Variants in SBSPON observed in about 807,000 individuals in gnomAD.
SBSPON encodes the protein somatomedin B and thrombospondin type 1 domain containing.
In SBSPON, 30 loss-of-function variants were observed where a neutral mutation model predicts 35.8. That is an observed-to-expected ratio of 0.84 (90% CI 0.63 to 1.14). The LOEUF (loss-of-function observed/expected upper bound fraction) is 1.14. SBSPON is among the 50% of genes most tolerant of loss of function. The probability of loss-of-function intolerance (pLI) is 0.00; values close to 1 mark genes in which losing one functional copy is unlikely to be tolerated. For missense variants in SBSPON, 364 were observed against 357.7 expected (o/e 1.02, Z -0.14); for synonymous variants, 136 against 135.9 (o/e 1.00, Z 0.00).
chr8:73,072,554 A>G (rs1048397562), intron 2 of SBSPON, among the ~76,000 whole-genome samples: 8 of 152,210 alleles, frequency 5.3e-5, no homozygotes, highest in Non-Finnish European at 1.2e-4. Flanking sequence ...CTGTAATCCC[A>G]GCTACTCAGG....
chr8:73,071,790 CTG>C lies in SBSPON; in HGVS notation c.488_489del (p.Thr163ArgfsTer10), dbSNP rs1284402433. 2.5e-6 allele frequency: 4 copies of C among 1,594,178 alleles called. No individual in the cohort carries two copies. The highest frequency in any genetic ancestry group is 2.6e-6 in the Non-Finnish European group (3 of 1,163,376). ...QATSPHWSTH[T>X]EDAGYCMEFK... is the part of the protein sequence containing the mutation. ...AAAACACGAAATTACCCAGCATCCTCTGTGTGTGTAGACCAGTGTGGAGACGT... is the reference window on the plus strand; with the variant it reads ...AAAACACGAAATTACCCAGCATCCTCTGTGTGTAGACCAGTGTGGAGACGT... On this transcript the variant is annotated frameshift_variant, in exon 3 of 5. Transcript: ENST00000297354. LOFTEE classifies it high-confidence loss of function.
chr8:73,074,094 A>T (rs1810547207), intron 2 of SBSPON, among the ~76,000 whole-genome samples: 1 of 152,216 alleles, frequency 6.6e-6, no homozygotes, highest in South Asian at 2.1e-4. Context: ...CTTCAGACAC[A>T]CATATGTGTT....
chr8:73,080,376 G>A (rs1034268156), intron 2 of SBSPON, among the ~76,000 whole-genome samples: 3 of 152,036 alleles, frequency 2.0e-5, no homozygotes, highest in East Asian at 1.9e-4. Flanking sequence ...TTAGCCGGGC[G>A]TGGTGGCAGG....
chr8:73,091,953 CT>C (rs1810943039), intron 1 of SBSPON, among the ~76,000 whole-genome samples: 1 of 152,164 alleles, frequency 6.6e-6, no homozygotes, highest in Admixed American at 6.5e-5. Flanking sequence ...ACCCTAATAT[CT>C]GTGTGGCTTT....
intron 1 of SBSPON, among the ~76,000 whole-genome samples, chr8:73,088,704 A>G (rs1367549000): frequency 6.6e-6 from 1 of 150,874 alleles, no homozygotes; most frequent in Admixed American, 6.6e-5. Flanking sequence ...AAAAGAGAGA[A>G]GAAGAGAGTC....
chr8:73,072,761 T>TA (rs750161122), intron 2 of SBSPON, among the ~76,000 whole-genome samples: 452 of 152,314 alleles, frequency 3.0e-3, no homozygotes, highest in African/African-American at 9.7e-3. Flanking sequence ...ATGGAAGCTC[T>TA]GCCCACCACA....
chr8:73,092,854 C>A lies in SBSPON; in HGVS notation c.214G>T (p.Ala72Ser), dbSNP rs1241996921. Residue 72 changes from alanine (A) to serine (S), a missense_variant and splice_region_variant, in exon 1 of 5, where the codon GCT (alanine) becomes TCT (serine). Coordinates refer to ENST00000297354, the MANE Select transcript of SBSPON (RefSeq NM_153225.4). ...CCFDYDRACP[A>S]RPCFVGEWSP... is the part of the protein sequence containing the mutation. Reference sequence around the variant, plus strand: ...CCCCACTCTCGGCCTGACCACCCACCTGGGCACGCCCTGTCGTAGTCGAAG... The same window carrying A: ...CCCCACTCTCGGCCTGACCACCCACATGGGCACGCCCTGTCGTAGTCGAAG... 1 of 1,609,948 alleles carries A rather than the reference C, an allele frequency of 6.2e-7. No individual in the cohort carries two copies. The highest frequency in any genetic ancestry group is 1.1e-5 in the South Asian group (1 of 90,482).
intron 1 of SBSPON, among the ~76,000 whole-genome samples, chr8:73,087,848 G>C (rs1810862545): frequency 1.3e-5 from 2 of 152,228 alleles, no homozygotes; most frequent in African/African-American, 4.8e-5. Context: ...TATGATCTTA[G>C]AAAATGCAAA....
At chr8:73,090,922 G>A (rs896182791) in intron 1 of SBSPON, among the ~76,000 whole-genome samples, 9 of 152,090 alleles carry the variant, frequency 5.9e-5, no homozygotes, top group South Asian at 2.1e-4. Flanking sequence ...CTATTCTACC[G>A]CCTAGACTGA....
At chr8:73,073,542 A>G (rs539977816) in intron 2 of SBSPON, among the ~76,000 whole-genome samples, 18 of 152,328 alleles carry the variant, frequency 1.2e-4, no homozygotes, top group South Asian at 2.1e-4. Context: ...ACAGTGGCTC[A>G]TGCCTGTAAT....
intron 2 of SBSPON, among the ~76,000 whole-genome samples, chr8:73,076,575 A>G (rs1484292443): frequency 1.3e-5 from 2 of 151,640 alleles, no homozygotes; most frequent in Admixed American, 6.6e-5. Flanking sequence ...TGAACCTGGG[A>G]GGCAGAGGTT....
At chr8:73,069,285 C>T (rs1229831111) in intron 4 of SBSPON, among the ~76,000 whole-genome samples, 1 of 147,522 alleles carries the variant, frequency 6.8e-6, no homozygotes, top group African/African-American at 2.5e-5. Context: ...CTCCAATATC[C>T]TTTTTTTTTT....
intron 3 of SBSPON, among the ~76,000 whole-genome samples, chr8:73,070,851 T>C (rs978113541): frequency 6.6e-6 from 1 of 152,202 alleles, no homozygotes; most frequent in African/African-American, 2.4e-5. Flanking sequence ...AGTTGCAATA[T>C]GTTATAAATG....
intron 1 of SBSPON, among the ~76,000 whole-genome samples, chr8:73,086,624 C>G (rs937356378): frequency 6.7e-6 from 1 of 150,050 alleles, no homozygotes; most frequent in African/African-American, 2.5e-5. Flanking sequence ...GCAGAAACCA[C>G]GTTATCTGGC....
At chr8:73,078,688 C>T (rs943348649) in intron 2 of SBSPON, among the ~76,000 whole-genome samples, 2 of 152,158 alleles carry the variant, frequency 1.3e-5, no homozygotes, top group Admixed American at 1.3e-4. Flanking sequence ...GTCTTCCTCC[C>T]CGAGCAGTTT....
chr8:73,073,685 C>T (rs922876474), intron 2 of SBSPON, among the ~76,000 whole-genome samples: 2 of 151,832 alleles, frequency 1.3e-5, no homozygotes, highest in African/African-American at 2.4e-5. Flanking sequence ...GGCATTCGGC[C>T]ATAGACCCAT....
In SBSPON at chr8:73,081,166, C is replaced by T. The variant is rs1220925518; in HGVS notation, c.262G>A (p.Asp88Asn). 2 of 1,608,642 alleles carry T rather than the reference C, an allele frequency of 1.2e-6. No homozygotes were observed. The highest frequency in any genetic ancestry group is 1.7e-6 in the Non-Finnish European group (2 of 1,177,050). Residue 88 changes from aspartate to asparagine, a missense_variant, in exon 2 of 5, where the codon GAC becomes AAC. Physicochemically the swap from Asp to Asn is conservative, Grantham distance 23. Transcript: ENST00000297354. ...ACACGGGTTGTAGGCTTGCACTGGT[C>T]TGCACAACCACTCCAGGGGCTCCAT... is the stretch of plus-strand genomic sequence containing the variant. ...GEWSPWSGCA[D>N]QCKPTTRVRR... is the part of the protein sequence containing the mutation.
At chr8:73,077,355 G>A (rs1478901431) in intron 2 of SBSPON, among the ~76,000 whole-genome samples, 1 of 152,240 alleles carries the variant, frequency 6.6e-6, no homozygotes, top group Non-Finnish European at 1.5e-5. Flanking sequence ...GGATTCGTGT[G>A]CCGCGCCTCA....
Position 73,093,040 on chromosome 8 carries a change from C to G in SBSPON, c.28G>C (p.Ala10Pro), listed in dbSNP as rs550192636. 6.1e-5 allele frequency: 84 copies of G among 1,379,404 alleles called. 1 individual carries two copies. The South Asian group carries it at 1.4e-3, about 22-fold the overall frequency. The allele number at this position is 1,379,404 out of a possible 1,614,324, so 85.4% of individuals were successfully genotyped here. ...GCCCCGGGCCACAGCCGCGACAGCG[C>G]GCACAGCGCCATCCACAGGGTCCTC... The part of the protein sequence containing the change: MRTLWMALC[A>P]LSRLWPGAQA... The change falls in exon 1 of 5, where the codon GCG (alanine) becomes CCG (proline). Residue 10 changes from alanine (A) to proline (P), a missense_variant. Ala to Pro is a conservative substitution (Grantham distance 27). Transcript: ENST00000297354.
Sources: gnomAD v4.1 joint callset for allele counts (sites outside exome capture counted in the v4.1 genomes callset) on GRCh38, gnomAD v4.1.1 for gene constraint, MANE v1.5 for transcripts, NCBI Gene and HGNC (gene_info 2026-07-23, HGNC 2026-07-21) for gene names.